The following PNPLA7 variants were observed in gnomAD, a reference collection of about 807,000 sequenced individuals.
PNPLA7 encodes the protein patatin-like phospholipase domain-containing protein 7.
Under a neutral mutation model 161.7 loss-of-function variants are expected in PNPLA7, and 153 were observed. The observed-to-expected ratio is 0.95, with a 90% CI of 0.83 to 1.08. The LOEUF (loss-of-function observed/expected upper bound fraction) is 1.08, where lower values mean the gene tolerates loss of function less well. Ranked by LOEUF, PNPLA7 falls within the 50% of genes least tolerant of loss-of-function variation. PNPLA7 has a pLI of 0.00. For synonymous variants in PNPLA7, 809 were observed against 782.1 expected (o/e 1.03, Z -0.57); for missense variants, 1,739 against 1,856.6 (o/e 0.94, Z 1.16).
intron 25 of PNPLA7, among the ~76,000 whole-genome samples, chr9:137,469,975 C>T (rs1831637811): frequency 6.6e-6 from 1 of 152,146 alleles, no homozygotes; most frequent in Non-Finnish European, 1.5e-5. Flanking sequence ...AGAAATAGAA[C>T]ATATGAGTAG....
Position 137,464,134 on chromosome 9 carries a change from T to C in PNPLA7, c.3218A>G (p.His1073Arg). ...TDITASAMRV[H>R]TDGSLWWYVR... ...GCAGCAGGAGTGCTCACCGTCGGTG[T>C]GGACCCGCATGGCCGAGGCTGTGAT... The change falls in exon 28 of 35, where the codon CAC (histidine) becomes CGC (arginine). Residue 1073 changes from histidine (H) to arginine (R), a missense_variant. By Grantham distance (29) the His-to-Arg change is conservative. Around this residue, in one of 6 missense-constraint regions of PNPLA7, gnomAD observed 703 missense variants for 694.6 expected, o/e 1.01. Coordinates refer to ENST00000406427, the MANE Select transcript of PNPLA7 (RefSeq NM_001098537.3). 6.2e-7 allele frequency: 1 copy of C among 1,613,538 alleles called. No individual in the cohort carries two copies. Among genetic ancestry groups the C allele is most frequent in the Non-Finnish European group, 8.5e-7 (1 of 1,179,912 alleles).
chr9:137,501,296 G>A (rs1020043390), intron 15 of PNPLA7, among the ~76,000 whole-genome samples: 12 of 152,292 alleles, frequency 7.9e-5, no homozygotes, highest in African/African-American at 1.2e-4. Context: ...CCCGGCACAC[G>A]CCACGCGTTT....
At chr9:137,485,424 A>G (rs555795511) in intron 20 of PNPLA7, among the ~76,000 whole-genome samples, 1 of 152,032 alleles carries the variant, frequency 6.6e-6, no homozygotes, top group Non-Finnish European at 1.5e-5. Context: ...GCCTCATCGG[A>G]GTAAACCAGA....
At chr9:137,464,283 G>C in intron 27 of PNPLA7, 57 bp downstream of exon 27, 2 of 1,605,056 alleles carry the variant, frequency 1.2e-6, no homozygotes, top group South Asian at 1.1e-5. Context: ...AAGAGGTGGG[G>C]GGCCAGGAGG....
chr9:137,500,624 C>T lies in PNPLA7; in HGVS notation c.1757+67G>A, dbSNP rs1347095218. 54 of 1,482,614 alleles carry T rather than the reference C, an allele frequency of 3.6e-5. No individual in the cohort carries two copies. Among genetic ancestry groups the T allele is most frequent in the Middle Eastern group, 3.6e-4 (2 of 5,540 alleles). The allele number at this position is 1,482,614 out of a possible 1,614,324, so 91.8% of individuals were successfully genotyped here. ...GAGAGCACCAGGAAGAGGCCGGCCA[C>T]GCGGGGAGGGGTCTCAGGGCAGGGG... On this transcript the variant is annotated intron_variant, in intron 16 of 34. Transcript: ENST00000406427. The surrounding 1 kb of genome is among the most constrained non-coding windows in gnomAD (Gnocchi z 5.5).
chr9:137,511,702 T>C (rs1834248087), intron 12 of PNPLA7, among the ~76,000 whole-genome samples: 1 of 152,192 alleles, frequency 6.6e-6, no homozygotes, highest in Admixed American at 6.5e-5. Flanking sequence ...CGTCTCCCTG[T>C]GGTGCTGTGC....
intron 12 of PNPLA7, among the ~76,000 whole-genome samples, chr9:137,513,285 G>A (rs2132407508): frequency 6.6e-6 from 1 of 152,236 alleles, no homozygotes; most frequent in African/African-American, 2.4e-5. Context: ...GAGGTTGGGA[G>A]TTTGAGACCA....
intron 9 of PNPLA7, among the ~76,000 whole-genome samples, chr9:137,521,977 G>A (rs1265557963): frequency 1.3e-5 from 2 of 152,240 alleles, no homozygotes; most frequent in African/African-American, 2.4e-5. Flanking sequence ...TTACTCCAAA[G>A]TGAGAAGTTT....
chr9:137,503,629 GAGGGAGAAGGAGA>G, intron 14 of PNPLA7, among the ~76,000 whole-genome samples: 1 of 142,960 alleles, frequency 7.0e-6, no homozygotes, highest in South Asian at 2.4e-4. Flanking sequence ...GGAGAAGGAG[GAGGGAGAAGGAGA>G]AGGGGGAGGA....
At position 137,550,200 on chromosome 9, in the gene PNPLA7, C is replaced by A; in HGVS notation, c.-3G>T. 1 of 1,613,046 alleles carries A rather than the reference C, an allele frequency of 6.2e-7. No individual in the cohort carries two copies. Among genetic ancestry groups the A allele is most frequent in the Non-Finnish European group, 8.5e-7 (1 of 1,179,832 alleles). The stretch of plus-strand genomic sequence containing the variant: ...CTGTCATCTTTCTCTTCCTCCATGG[C>A]CAGAAACAGAAAAAACAGTCAGGGG... On this transcript the variant is annotated 5_prime_UTR_variant, in exon 1 of 35. Transcript: ENST00000406427.
chr9:137,547,177 C>T lies in PNPLA7; in HGVS notation c.193+132G>A. 1.1e-6 allele frequency: 1 copy of T among 944,628 alleles called. No homozygotes were observed. Among genetic ancestry groups the T allele is most frequent in the Non-Finnish European group, 1.7e-6 (1 of 599,466 alleles). The allele number at this position is 944,628 out of a possible 1,614,324, so 58.5% of individuals were successfully genotyped here. A position where few individuals can be genotyped will look rare whatever the true frequency, so the allele number is the denominator to read the frequency against. Reference sequence around the variant, plus strand: ...TGGAACCGACGGGCTCAGCCTGAGCCCAGACGGGCCATCAGATTCTAGCCA... The same window carrying T: ...TGGAACCGACGGGCTCAGCCTGAGCTCAGACGGGCCATCAGATTCTAGCCA... On this transcript the variant is annotated intron_variant, in intron 3 of 34. Transcript: ENST00000406427. The surrounding 1 kb of genome is among the most constrained non-coding windows in gnomAD (Gnocchi z 4.6).
At position 137,550,167 on chromosome 9, in the gene PNPLA7, C is replaced by T. The variant is rs761591661; in HGVS notation, c.30+1G>A. Reference sequence around the variant, plus strand: ...GGCATCTGGTCCCCCGAGTTACATACCTGTGGGCTGTCATCTTTCTCTTCC... The same window carrying T: ...GGCATCTGGTCCCCCGAGTTACATATCTGTGGGCTGTCATCTTTCTCTTCC... On this transcript the variant is annotated splice_donor_variant, in intron 1 of 34. Transcript: ENST00000406427. LOFTEE classifies it high-confidence loss of function. 6.2e-7 allele frequency: 1 copy of T among 1,612,826 alleles called. No individual in the cohort carries two copies. Among genetic ancestry groups the T allele is most frequent in the Non-Finnish European group, 8.5e-7 (1 of 1,179,788 alleles).
intron 8 of PNPLA7, among the ~76,000 whole-genome samples, chr9:137,531,858 A>C (rs1223499013): frequency 6.6e-6 from 1 of 152,156 alleles, no homozygotes; most frequent in African/African-American, 2.4e-5. Flanking sequence ...GGCAGTGTGC[A>C]TCTAACCTGT....
intron 12 of PNPLA7, among the ~76,000 whole-genome samples, chr9:137,513,675 CA>C (rs971690527): frequency 1.4e-4 from 22 of 152,028 alleles, no homozygotes; most frequent in African/African-American, 4.8e-4. Flanking sequence ...AGCCCATGGA[CA>C]AGAGGGAAGA....
At chr9:137,477,923 C>T (rs774306377) in intron 25 of PNPLA7, 111 bp downstream of exon 25, 154 of 913,952 alleles carry the variant, frequency 1.7e-4, no homozygotes, top group Middle Eastern at 7.3e-4. Flanking sequence ...CTGAGGGTCT[C>T]GTCTGCGGGT....
At chr9:137,516,544 C>T (rs920523013) in intron 11 of PNPLA7, 2 of 985,048 alleles carry the variant, frequency 2.0e-6, no homozygotes, top group Non-Finnish European at 2.4e-6. Context: ...TGCAGTGGCT[C>T]ACACCTGTAA....
intron 14 of PNPLA7, 133 bp from the exon 15 acceptor site, chr9:137,501,860 C>G (rs922041554): frequency 5.7e-6 from 5 of 884,184 alleles, no homozygotes; most frequent in Non-Finnish European, 7.0e-6. Flanking sequence ...TCCTCCGAGG[C>G]TGTCCTCCAA....
chr9:137,498,953 G>T (rs962251908), intron 16 of PNPLA7, among the ~76,000 whole-genome samples: 9 of 152,162 alleles, frequency 5.9e-5, no homozygotes, highest in African/African-American at 2.2e-4. Flanking sequence ...ATCAGGATCT[G>T]CTTTGCACAG....
At chr9:137,546,748 G>C (rs1423774042) in intron 4 of PNPLA7, 82 bp downstream of exon 4, 1 of 1,322,170 alleles carries the variant, frequency 7.6e-7, no homozygotes, top group Non-Finnish European at 1.1e-6. Context: ...CAGCCTGGGG[G>C]AGCCCACAGC....
Sources: gnomAD v4.1 joint callset for allele counts (sites outside exome capture counted in the v4.1 genomes callset) on GRCh38, gnomAD v4.1.1 for gene constraint, gnomAD v4.1.1 regional missense constraint, Gnocchi (gnomAD v3.1) non-coding constraint, MANE v1.5 for transcripts, NCBI Gene and HGNC (gene_info 2026-07-23, HGNC 2026-07-21) for gene names.